Variants in GRM3 observed in about 807,000 individuals in gnomAD.
The protein encoded by GRM3 is glutamate metabotropic receptor 3, also known as metabotropic glutamate receptor 3.
A neutral mutation model predicts 70.5 loss-of-function variants in GRM3; 26 were observed. That is an observed-to-expected ratio of 0.37 (90% CI 0.27 to 0.51). The LOEUF is 0.51. Among genes scored for constraint, GRM3 ranks in the 20% least tolerant of loss-of-function variants. The pLI, the probability that GRM3 is intolerant of heterozygous loss-of-function variation, is 0.93. For missense variants in GRM3, 859 were observed against 1,123.8 expected (o/e 0.76, Z 3.37); for synonymous variants, 443 against 434.9 (o/e 1.02, Z -0.23).
intron 1 of GRM3, among the ~76,000 whole-genome samples, chr7:86,683,795 A>G (rs1794497468): frequency 6.6e-6 from 1 of 152,150 alleles, no homozygotes; most frequent in African/African-American, 2.4e-5. Flanking sequence ...CCTTTAATAG[A>G]AGGTTTAAAT....
chr7:86,700,052 A>T (rs890863783), intron 1 of GRM3, among the ~76,000 whole-genome samples: 3 of 151,986 alleles, frequency 2.0e-5, no homozygotes, highest in Non-Finnish European at 2.9e-5. Flanking sequence ...GAGGCTGGTA[A>T]TATTCCTCAG....
At chr7:86,821,300 C>A (rs577283648) in intron 3 of GRM3, among the ~76,000 whole-genome samples, 218 of 151,406 alleles carry the variant, frequency 1.4e-3, no homozygotes, top group Non-Finnish European at 2.1e-3. Context: ...TGTGAACAGA[C>A]CTACACCATT....
chr7:86,808,856 C>T (rs575064418), intron 3 of GRM3, among the ~76,000 whole-genome samples: 1 of 151,840 alleles, frequency 6.6e-6, no homozygotes, highest in Non-Finnish European at 1.5e-5. Context: ...ACCAGTGTGG[C>T]TAGATGGAGT....
At chr7:86,822,468 T>A (rs1393694476) in intron 3 of GRM3, among the ~76,000 whole-genome samples, 1 of 151,580 alleles carries the variant, frequency 6.6e-6, no homozygotes, top group Non-Finnish European at 1.5e-5. Flanking sequence ...AGGATGTGAG[T>A]GATTTTACAG....
At chr7:86,655,846 GTGT>G (rs1202706095) in intron 1 of GRM3, among the ~76,000 whole-genome samples, 52 of 135,068 alleles carry the variant, frequency 3.8e-4, no homozygotes, top group African/African-American at 1.4e-3. Flanking sequence ...GTGTGTGTGT[GTGT>G]GTGGGTGGGT....
At chr7:86,715,778 T>G (rs968543790) in intron 1 of GRM3, among the ~76,000 whole-genome samples, 19 of 152,148 alleles carry the variant, frequency 1.2e-4, no homozygotes, top group Middle Eastern at 3.4e-3. Flanking sequence ...GCTGGCTTAC[T>G]CTAAAAGGTC....
intron 1 of GRM3, among the ~76,000 whole-genome samples, chr7:86,675,471 A>G (rs1158861443): frequency 6.6e-6 from 1 of 152,086 alleles, no homozygotes; most frequent in Non-Finnish European, 1.5e-5. Flanking sequence ...AAATCCAAGT[A>G]CAGTGAGAGC....
Position 86,783,342 on chromosome 7 carries a change from G to A in GRM3, c.469-2919G>A, listed in dbSNP as rs371120602. 2.0e-5 allele frequency among the ~76,000 whole-genome samples: 3 copies of A among 152,170 alleles called. No homozygotes were observed. The East Asian group carries it at 5.8e-4, about 29-fold the overall frequency. ...AGGAAGCTGTGAGGGGATAGCCATAGTCCTTGAAGTCAAAACACCTGGTTT... is the reference window on the plus strand; with the variant it reads ...AGGAAGCTGTGAGGGGATAGCCATAATCCTTGAAGTCAAAACACCTGGTTT... On this transcript the variant is annotated intron_variant, in intron 2 of 5. Transcript: ENST00000361669.
intron 1 of GRM3, among the ~76,000 whole-genome samples, chr7:86,645,376 G>T (rs1231173335): frequency 6.6e-6 from 1 of 152,168 alleles, no homozygotes; most frequent in Non-Finnish European, 1.5e-5. Flanking sequence ...GCGGCCAGAG[G>T]TTTGCCCTCC....
At chr7:86,728,479 C>T (rs1795644251) in intron 1 of GRM3, among the ~76,000 whole-genome samples, 1 of 152,184 alleles carries the variant, frequency 6.6e-6, no homozygotes, top group Non-Finnish European at 1.5e-5. Flanking sequence ...TCAACTCAGC[C>T]TCATCCCTTC....
At chr7:86,781,157 C>T (rs1797047904) in intron 2 of GRM3, among the ~76,000 whole-genome samples, 1 of 151,998 alleles carries the variant, frequency 6.6e-6, no homozygotes, top group African/African-American at 2.4e-5. Flanking sequence ...TGAGAAAACA[C>T]ATCTGCAACA....
At chr7:86,714,075 T>C (rs1795259280) in intron 1 of GRM3, among the ~76,000 whole-genome samples, 3 of 151,928 alleles carry the variant, frequency 2.0e-5, no homozygotes, top group Admixed American at 1.3e-4. Context: ...CAAGGGCACA[T>C]CCACACACCA....
At chr7:86,690,714 C>T (rs1178475694) in intron 1 of GRM3, among the ~76,000 whole-genome samples, 2 of 151,868 alleles carry the variant, frequency 1.3e-5, no homozygotes, top group African/African-American at 4.8e-5. Context: ...GACAGCTTTG[C>T]CGAGTGGGAA....
Position 86,839,538 on chromosome 7 carries a change from A to G in GRM3, c.2024A>G (p.Asn675Ser). The G allele has an allele frequency of 1.2e-6, 2 of 1,608,544 alleles. No homozygotes were observed. Among genetic ancestry groups the G allele is most frequent in the African/African-American group, 2.7e-5 (2 of 74,828 alleles). Reference sequence around the variant, plus strand: ...GCCCGCATCTTCGATGGGGTCAAGAATGGCGCTCAGAGGCCAAAATTCATC... The same window carrying G: ...GCCCGCATCTTCGATGGGGTCAAGAGTGGCGCTCAGAGGCCAAAATTCATC... The part of the protein sequence containing the change: ...CIARIFDGVK[N>S]GAQRPKFISP... Residue 675 changes from asparagine to serine, a missense_variant, in exon 4 of 6, where the codon AAT (asparagine) becomes AGT (serine). Physicochemically the swap from Asn to Ser is conservative, Grantham distance 46. Transcript: ENST00000361669. The surrounding 1 kb of genome is among the most constrained non-coding windows in gnomAD (Gnocchi z 4.5).
intron 4 of GRM3, 104 bp from the exon 5 acceptor site, chr7:86,850,265 CA>C: frequency 1.4e-6 from 1 of 714,486 alleles, no homozygotes; most frequent in Non-Finnish European, 2.5e-6. Context: ...ACAGAGCTGT[CA>C]ATTATTCTGG....
chr7:86,692,218 T>C (rs1366402151), intron 1 of GRM3, among the ~76,000 whole-genome samples: 1 of 152,220 alleles, frequency 6.6e-6, no homozygotes, highest in African/African-American at 2.4e-5. Flanking sequence ...ACATAATAAG[T>C]GTTCTCAACA....
intron 1 of GRM3, among the ~76,000 whole-genome samples, chr7:86,724,915 T>C (rs558883791): frequency 1.1e-3 from 161 of 152,258 alleles, no homozygotes; most frequent in Middle Eastern, 0.01. Context: ...TGGAGTTTAA[T>C]AGTATTACTA....
At chr7:86,679,348 G>A (rs1794387972) in intron 1 of GRM3, among the ~76,000 whole-genome samples, 1 of 151,962 alleles carries the variant, frequency 6.6e-6, no homozygotes, top group East Asian at 1.9e-4. Context: ...CTTTTAAAAG[G>A]AGTAAGTTTG....
intron 1 of GRM3, chr7:86,710,049 T>G (rs894063567): frequency 3.3e-5 from 5 of 152,098 alleles, no homozygotes; most frequent in Non-Finnish European, 5.9e-5. Context: ...AGCGAGCATT[T>G]TCTTCTATCT....
Sources: gnomAD v4.1 joint callset for allele counts (sites outside exome capture counted in the v4.1 genomes callset) on GRCh38, gnomAD v4.1.1 for gene constraint, Gnocchi (gnomAD v3.1) non-coding constraint, MANE v1.5 for transcripts, NCBI Gene and HGNC (gene_info 2026-07-23, HGNC 2026-07-21) for gene names.